PKNOX2: variants seen among roughly 807,000 people sequenced by gnomAD.
The protein encoded by PKNOX2 is PBX/knotted 1 homeobox 2, also known as homeobox protein PKNOX2.
A neutral mutation model predicts 53.1 loss-of-function variants in PKNOX2; 14 were observed. The observed-to-expected ratio is 0.26, with a 90% confidence interval of 0.17 to 0.41. PKNOX2 has a LOEUF of 0.41. Among genes scored for constraint, PKNOX2 ranks in the 10% least tolerant of loss-of-function variants. The pLI is 1.00. For synonymous variants in PKNOX2, 257 were observed against 242.8 expected (o/e 1.06, Z -0.54); for missense variants, 496 against 602.8 (o/e 0.82, Z 1.85).
chr11:125,420,247 G>A (rs566226033), intron 10 of PKNOX2, among the ~76,000 whole-genome samples: 3 of 151,430 alleles, frequency 2.0e-5, no homozygotes, highest in Non-Finnish European at 4.4e-5. Flanking sequence ...AAAAATGGGG[G>A]CCGGGCACGG....
At chr11:125,209,046 A>C (rs902417340) in intron 1 of PKNOX2, among the ~76,000 whole-genome samples, 2 of 152,080 alleles carry the variant, frequency 1.3e-5, no homozygotes, top group African/African-American at 4.8e-5. Context: ...TTGGTGGTGA[A>C]AGGGAAGAGA....
At chr11:125,339,169 A>C (rs747342061) in intron 3 of PKNOX2, among the ~76,000 whole-genome samples, 15 of 152,150 alleles carry the variant, frequency 9.9e-5, no homozygotes, top group African/African-American at 3.6e-4. Flanking sequence ...AGCCAGTGGG[A>C]GGTAGAACAC....
In PKNOX2 at chr11:125,427,089, T is replaced by C. The variant is rs575323534; in HGVS notation, c.937-1923T>C. On this transcript the variant is annotated intron_variant, in intron 10 of 12. Coordinates refer to ENST00000298282, the MANE Select transcript of PKNOX2 (RefSeq NM_001382323.2). ...TTTTTGTCTACAGACCAGCTGGCTA[T>C]GGACAGGGAGGCTGCTTGGCTCTTT... Among the ~76,000 whole-genome samples, 6 of 152,342 alleles carry C rather than the reference T, an allele frequency of 3.9e-5. No homozygotes were observed. The South Asian group carries it at 1.2e-3, about 32-fold the overall frequency.
At chr11:125,211,658 G>C (rs10893350) in intron 1 of PKNOX2, among the ~76,000 whole-genome samples, 33,784 of 152,064 alleles carry the variant, frequency 0.22, 4,431 homozygotes, top group East Asian at 0.34. Flanking sequence ...GGCCCCTGCA[G>C]CTTCCAGCTC....
intron 1 of PKNOX2, among the ~76,000 whole-genome samples, chr11:125,204,257 C>T (rs930961933): frequency 9.2e-5 from 14 of 152,016 alleles, no homozygotes; most frequent in East Asian, 1.9e-4. Context: ...GTTAAGTCTC[C>T]GGGGAGAAGG....
At chr11:125,202,059 G>A (rs141281601) in intron 1 of PKNOX2, among the ~76,000 whole-genome samples, 10 of 152,340 alleles carry the variant, frequency 6.6e-5, no homozygotes, top group East Asian at 1.9e-4. Context: ...CAGAGGGTCC[G>A]TGCGGCTGGG....
intron 5 of PKNOX2, among the ~76,000 whole-genome samples, chr11:125,376,835 C>A (rs1416255937): frequency 6.6e-6 from 1 of 152,140 alleles, no homozygotes; most frequent in Non-Finnish European, 1.5e-5. Flanking sequence ...GTCCTGTGCA[C>A]AAACGACTGT....
At chr11:125,177,713 C>A (rs1386304318) in intron 1 of PKNOX2, among the ~76,000 whole-genome samples, 1 of 152,172 alleles carries the variant, frequency 6.6e-6, no homozygotes, top group Non-Finnish European at 1.5e-5. Context: ...CCTTCAGAGG[C>A]AGGAGGCATG....
chr11:125,199,132 C>T (rs1193639286), intron 1 of PKNOX2, among the ~76,000 whole-genome samples: 2 of 152,204 alleles, frequency 1.3e-5, no homozygotes, highest in South Asian at 2.1e-4. Flanking sequence ...TGAGCCCCCA[C>T]GCCCAGCCTT....
intron 1 of PKNOX2, among the ~76,000 whole-genome samples, chr11:125,180,753 G>T (rs769356714): frequency 6.6e-6 from 1 of 152,184 alleles, no homozygotes; most frequent in Non-Finnish European, 1.5e-5. Flanking sequence ...GGCCTGAGGG[G>T]CTGTAATTTC....
intron 1 of PKNOX2, among the ~76,000 whole-genome samples, chr11:125,232,154 C>G (rs538381696): frequency 1.5e-4 from 23 of 152,340 alleles, no homozygotes; most frequent in Non-Finnish European, 2.4e-4. Context: ...GTCCCCGTCT[C>G]ACATAGTTTC....
intron 7 of PKNOX2, among the ~76,000 whole-genome samples, chr11:125,407,961 G>A (rs1955217588): frequency 6.6e-6 from 1 of 152,184 alleles, no homozygotes. Context: ...GAAGGGTGGT[G>A]ACGAGATTGC....
At chr11:125,230,376 G>A (rs7104532) in intron 1 of PKNOX2, among the ~76,000 whole-genome samples, 19,183 of 152,246 alleles carry the variant, frequency 0.13, 1,430 homozygotes, top group Non-Finnish European at 0.17. Flanking sequence ...GCAAAACATT[G>A]TCAGGTGATG....
chr11:125,216,932 C>T (rs1442811638), intron 1 of PKNOX2, among the ~76,000 whole-genome samples: 1 of 152,122 alleles, frequency 6.6e-6, no homozygotes, highest in East Asian at 1.9e-4. Flanking sequence ...CATGTTCAGG[C>T]TCGGTGTGGC....
intron 2 of PKNOX2, among the ~76,000 whole-genome samples, chr11:125,329,416 C>T (rs1041385220): frequency 2.0e-5 from 3 of 152,148 alleles, no homozygotes; most frequent in African/African-American, 7.2e-5. Context: ...TATTAAAATA[C>T]CTACTTTTAA....
rs187947813 is a variant in PKNOX2, at chr11:125,213,559, G to A, written c.-200-21486G>A. ...TGAAGTCTCTGCCCCCTAGGCTCAC[G>A]TGCTTCTCCCACCTCAGCCTCCTGA... is the stretch of plus-strand genomic sequence containing the variant. On this transcript the variant is annotated intron_variant, in intron 1 of 12. Transcript: ENST00000298282. Among the ~76,000 whole-genome samples, 17 of 152,124 alleles carry A rather than the reference G, an allele frequency of 1.1e-4. No individual in the cohort carries two copies. In the East Asian group the frequency reaches 3.1e-3, roughly 28 times the overall value.
intron 1 of PKNOX2, among the ~76,000 whole-genome samples, chr11:125,218,196 G>A (rs115832814): frequency 1.3e-5 from 2 of 152,018 alleles, no homozygotes; most frequent in African/African-American, 2.4e-5. Flanking sequence ...AAAGGGGGGC[G>A]CTCCGTTCAG....
intron 3 of PKNOX2, among the ~76,000 whole-genome samples, chr11:125,349,341 C>T (rs1381599966): frequency 6.6e-6 from 1 of 152,008 alleles, no homozygotes; most frequent in African/African-American, 2.4e-5. Context: ...CTTGGTTCCC[C>T]TGCCTGAAGA....
intron 2 of PKNOX2, among the ~76,000 whole-genome samples, chr11:125,283,615 G>A (rs1946717433): frequency 6.6e-6 from 1 of 152,232 alleles, no homozygotes; most frequent in African/African-American, 2.4e-5. Context: ...ATACAATAAA[G>A]TAAAGATGTT....
Sources: allele counts gnomAD v4.1 joint callset (sites outside exome capture counted in the v4.1 genomes callset), GRCh38; gene constraint gnomAD v4.1.1; transcripts MANE v1.5; gene names NCBI Gene and HGNC (gene_info 2026-07-23, HGNC 2026-07-21).